The following GLDC variants were observed in gnomAD, a reference collection of about 807,000 sequenced individuals.
The protein encoded by GLDC is glycine dehydrogenase (decarboxylating), mitochondrial.
GLDC carries 104 observed loss-of-function variants against 121.3 expected under a neutral mutation model. The ratio of observed to expected loss-of-function variants is 0.86; its 90% CI spans 0.73 to 1.01. The LOEUF is 1.01. GLDC is among the 50% of genes least tolerant of loss of function. The pLI is 0.00. For synonymous variants in GLDC, 546 were observed against 480.6 expected, an observed-to-expected ratio of 1.14 and a Z score of -1.78; for missense variants, 1,429 against 1,306.6, an observed-to-expected ratio of 1.09 and a Z score of -1.44.
In GLDC at chr9:6,588,920, T is replaced by C. The variant is rs576554647; in HGVS notation, c.1581-218A>G. Among the ~76,000 whole-genome samples, 64 of 152,118 alleles carry C rather than the reference T, an allele frequency of 4.2e-4. 1 individual carries two copies. The South Asian group carries it at 7.3e-3, about 17-fold the overall frequency. ...GCTGACTGTGGGTATGAGTTGAAGG[T>C]TGGGAAGAAGAGGATATAGGGCTCT... On this transcript the variant is annotated intron_variant, in intron 12 of 24. Transcript: ENST00000321612.
At chr9:6,539,971 T>A in intron 22 of GLDC, 80 bp downstream of exon 22, 1 of 891,110 alleles carries the variant, frequency 1.1e-6, no homozygotes, top group Non-Finnish European at 1.9e-6. Flanking sequence ...TTTACTGTGG[T>A]GCCTGCATTT....
intron 2 of GLDC, among the ~76,000 whole-genome samples, chr9:6,629,150 G>T (rs1202927418): frequency 6.6e-6 from 1 of 151,562 alleles, no homozygotes; most frequent in Non-Finnish European, 1.5e-5. Flanking sequence ...AATAGCAACA[G>T]TTTTGCACTA....
At chr9:6,576,500 C>T (rs1175659223) in intron 15 of GLDC, among the ~76,000 whole-genome samples, 1 of 152,072 alleles carries the variant, frequency 6.6e-6, no homozygotes, top group Non-Finnish European at 1.5e-5. Flanking sequence ...GGGTTTCACT[C>T]TTGTCGCCCA....
chr9:6,602,178 A>G lies in GLDC; in HGVS notation c.1086T>C (p.Arg362=). Residue 362 remains arginine, a synonymous_variant, in exon 8 of 25, where the codon CGT becomes CGC. Transcript: ENST00000321612. The part of the protein sequence containing the change: ...TRDATGKEVY[R]LALQTREQHI... ...GTTGCTCCCTGGTTTGAAGAGCAAG[A>G]CGATACACTTCTTTCCCAGTGGCAT... is the stretch of plus-strand genomic sequence containing the variant. 1 of 1,612,582 alleles carries G rather than the reference A, an allele frequency of 6.2e-7. No homozygotes were observed. Among genetic ancestry groups the G allele is most frequent in the Non-Finnish European group, 8.5e-7 (1 of 1,178,700 alleles).
rs879415746 is a variant in GLDC, at chr9:6,588,002, A to G, written c.1707+399T>C. 4.0e-5 allele frequency among the ~76,000 whole-genome samples: 6 copies of G among 151,814 alleles called. 1 individual carries two copies. The highest frequency in any genetic ancestry group is 1.9e-4 in the East Asian group (1 of 5,174). On this transcript the variant is annotated intron_variant, in intron 14 of 24. Transcript: ENST00000321612. Reference sequence around the variant, plus strand: ...AAATCTTCTGTTGACTTGAATCCCTATCTTTCTGATACAGGAATGATTTCT... The same window carrying G: ...AAATCTTCTGTTGACTTGAATCCCTGTCTTTCTGATACAGGAATGATTTCT...
intron 14 of GLDC, 106 bp from the exon 15 acceptor site, chr9:6,587,389 T>G (rs933003372): frequency 1.9e-5 from 16 of 845,694 alleles, no homozygotes; most frequent in Non-Finnish European, 3.0e-5. Flanking sequence ...TGCCAGGCAC[T>G]GTTCTAAGCG....
chr9:6,590,623 C>G (rs552779304), intron 11 of GLDC, among the ~76,000 whole-genome samples: 2 of 152,314 alleles, frequency 1.3e-5, no homozygotes, highest in African/African-American at 2.4e-5. Flanking sequence ...GCAAACGCTT[C>G]TTGCACAGCA....
At chr9:6,533,516 G>A (rs1817045052) in intron 24 of GLDC, among the ~76,000 whole-genome samples, 1 of 151,744 alleles carries the variant, frequency 6.6e-6, no homozygotes, top group Non-Finnish European at 1.5e-5. Flanking sequence ...TTTAACATAG[G>A]TCTAATTTAT....
chr9:6,591,688 A>C (rs1818377644), intron 11 of GLDC, among the ~76,000 whole-genome samples: 1 of 152,016 alleles, frequency 6.6e-6, no homozygotes, highest in African/African-American at 2.4e-5. Context: ...GGGTTGAAGC[A>C]ATTCTCCCAC....
At chr9:6,621,100 G>A (rs886988881) in intron 2 of GLDC, among the ~76,000 whole-genome samples, 2 of 152,202 alleles carry the variant, frequency 1.3e-5, no homozygotes, top group African/African-American at 4.8e-5. Context: ...AGCCTGGGAG[G>A]CAGAGATTGT....
At chr9:6,576,532 T>C (rs562601969) in intron 15 of GLDC, among the ~76,000 whole-genome samples, 6 of 152,184 alleles carry the variant, frequency 3.9e-5, no homozygotes, top group African/African-American at 7.2e-5. Flanking sequence ...AGTGGTGCGA[T>C]CTTGGCTCAC....
chr9:6,634,051 C>T (rs112401513), intron 2 of GLDC, among the ~76,000 whole-genome samples: 32,795 of 151,196 alleles, frequency 0.22, 3,630 homozygotes, highest in South Asian at 0.3. Context: ...AGGATGGTCT[C>T]GATCTCCTGA....
At chr9:6,604,246 G>C (rs1394611711) in intron 7 of GLDC, among the ~76,000 whole-genome samples, 6 of 152,140 alleles carry the variant, frequency 3.9e-5, no homozygotes, top group African/African-American at 1.4e-4. Context: ...TCTTTACAGA[G>C]CCACGTGGCA....
At chr9:6,603,762 G>A (rs948697491) in intron 7 of GLDC, among the ~76,000 whole-genome samples, 9 of 138,198 alleles carry the variant, frequency 6.5e-5, no homozygotes, top group African/African-American at 1.7e-4. Context: ...ATGGAGTCTC[G>A]CTCTGCACCC....
chr9:6,536,123 G>T lies in GLDC; in HGVS notation c.2779C>A (p.Arg927=), dbSNP rs552072250. The change falls in exon 23 of 25, where the codon CGG becomes AGG. Residue 927 remains arginine (R), a synonymous_variant. Coordinates refer to ENST00000321612, the MANE Select transcript of GLDC (RefSeq NM_000170.3). The part of the protein sequence containing the change: ...DRFCDAMISI[R]QEIADIEEGR... ...TCCTCAATGTCAGCAATTTCCTGCC[G>T]AATGCTGATCATGGCATCACAGAAT... is the stretch of plus-strand genomic sequence containing the variant. 1.2e-6 allele frequency: 2 copies of T among 1,613,996 alleles called. No homozygotes were observed. Among genetic ancestry groups the T allele is most frequent in the Non-Finnish European group, 1.7e-6 (2 of 1,179,884 alleles).
At chr9:6,642,523 T>C (rs887172258) in intron 2 of GLDC, among the ~76,000 whole-genome samples, 16 of 151,860 alleles carry the variant, frequency 1.1e-4, no homozygotes, top group African/African-American at 3.6e-4. Flanking sequence ...AGAACAAGAA[T>C]CCATTTCAAA....
chr9:6,620,223 G>T lies in GLDC; in HGVS notation c.431C>A (p.Pro144Gln), dbSNP rs747464155. 1 of 1,613,582 alleles carries T rather than the reference G, an allele frequency of 6.2e-7. No homozygotes were observed. The highest frequency in any genetic ancestry group is 1.1e-5 in the South Asian group (1 of 91,056). The part of the protein sequence containing the change: ...IGMGYYNCSV[P>Q]QTILRNLLEN... ...CAGTAAGTTCCGCAAAATCGTCTGT[G>T]GCACTGAGCAGTTATAATAGCCCAT... The change falls in exon 3 of 25, where the codon CCA (proline) becomes CAA (glutamine). Residue 144 changes from proline (P) to glutamine (Q), a missense_variant. By Grantham distance (76) the Pro-to-Gln change is moderately conservative. Transcript: ENST00000321612.
chr9:6,541,931 A>G (rs1817272938), intron 21 of GLDC: 1 of 151,716 alleles, frequency 6.6e-6, no homozygotes, highest in Non-Finnish European at 1.5e-5. Flanking sequence ...GAAGAAAAAA[A>G]AAAAAAACTT....
intron 6 of GLDC, 61 bp from the exon 7 acceptor site, chr9:6,604,845 A>G: frequency 1.5e-6 from 2 of 1,343,056 alleles, no homozygotes; most frequent in Non-Finnish European, 2.1e-6. Flanking sequence ...GTAGTGGGAG[A>G]GTAGGAAATT....
Sources: gnomAD v4.1 joint callset for allele counts (sites outside exome capture counted in the v4.1 genomes callset) on GRCh38, gnomAD v4.1.1 for gene constraint, MANE v1.5 for transcripts, NCBI Gene and HGNC (gene_info 2026-07-23, HGNC 2026-07-21) for gene names.